PCDH15: variants seen among roughly 807,000 people sequenced by gnomAD.
The protein encoded by PCDH15 is protocadherin-15.
Under a neutral mutation model 178.5 loss-of-function variants are expected in PCDH15, and 129 were observed. That is an observed-to-expected ratio of 0.72 (90% CI 0.63 to 0.84). The LOEUF is 0.84. Ranked by LOEUF, PCDH15 falls within the 40% of genes least tolerant of loss-of-function variation. The probability of loss-of-function intolerance (pLI) is 0.00; values close to 1 mark genes in which losing one functional copy is unlikely to be tolerated. For synonymous variants in PCDH15, 800 were observed against 732.0 expected (o/e 1.09, Z -1.50); for missense variants, 2,230 against 2,099.9 (o/e 1.06, Z -1.21).
intron 3 of PCDH15, among the ~76,000 whole-genome samples, chr10:54,390,927 C>T (rs1328498819): frequency 6.6e-6 from 1 of 152,072 alleles, no homozygotes; most frequent in Non-Finnish European, 1.5e-5. Context: ...TTTTCAGTGC[C>T]TTTTCTATAG....
intron 1 of PCDH15, among the ~76,000 whole-genome samples, chr10:54,737,760 T>C (rs1591370602): frequency 6.6e-6 from 1 of 152,108 alleles, no homozygotes; most frequent in East Asian, 1.9e-4. Context: ...ATTTATTAGG[T>C]ATGATTGAGT....
At chr10:55,375,736 C>A (rs187284874) in intron 2 of PCDH15, among the ~76,000 whole-genome samples, 248 of 152,142 alleles carry the variant, frequency 1.6e-3, no homozygotes, top group African/African-American at 5.1e-3. Context: ...GTGATGTTCA[C>A]TTGCTTAATA....
chr10:54,031,472 A>G (rs1242580532), intron 18 of PCDH15, among the ~76,000 whole-genome samples: 1 of 152,086 alleles, frequency 6.6e-6, no homozygotes, highest in East Asian at 1.9e-4. Flanking sequence ...GTTAGAGAAA[A>G]GAATCTGTAA....
intron 3 of PCDH15, among the ~76,000 whole-genome samples, chr10:54,896,003 C>T (rs532002108): frequency 1.2e-4 from 19 of 152,106 alleles, no homozygotes; most frequent in African/African-American, 4.6e-4. Context: ...CCTCCTGCCT[C>T]ATCCTCCCGA....
chr10:54,390,943 G>A (rs552012483), intron 3 of PCDH15, among the ~76,000 whole-genome samples: 13 of 152,224 alleles, frequency 8.5e-5, no homozygotes, highest in African/African-American at 2.9e-4. Flanking sequence ...TATAGGTTAA[G>A]AGGATCAAAA....
intron 2 of PCDH15, among the ~76,000 whole-genome samples, chr10:55,044,904 C>G (rs1366689966): frequency 6.6e-6 from 1 of 152,086 alleles, no homozygotes; most frequent in Non-Finnish European, 1.5e-5. Context: ...GATACCCATT[C>G]CTTCCCCAAC....
intron 3 of PCDH15, among the ~76,000 whole-genome samples, chr10:54,851,150 G>A (rs770096560): frequency 4.3e-4 from 65 of 152,062 alleles, no homozygotes; most frequent in Non-Finnish European, 7.4e-4. Flanking sequence ...CAAAAATTAA[G>A]TAGGCCAGAT....
At chr10:53,877,184 AAAAT>A (rs1277594224) in intron 26 of PCDH15, among the ~76,000 whole-genome samples, 6 of 152,124 alleles carry the variant, frequency 3.9e-5, no homozygotes, top group Non-Finnish European at 7.4e-5. Flanking sequence ...AATGTTTTGT[AAAAT>A]AAATATTACC....
chr10:53,927,808 G>A lies in PCDH15; in HGVS notation c.3373+11007C>T, dbSNP rs73248516. 5.3e-3 allele frequency among the ~76,000 whole-genome samples: 803 copies of A among 152,056 alleles called. 8 individuals carry two copies. The highest frequency in any genetic ancestry group is 0.018 in the African/African-American group (750 of 41,518). On this transcript the variant is annotated intron_variant, in intron 25 of 37. Coordinates refer to ENST00000644397, the MANE Select transcript of PCDH15 (RefSeq NM_001384140.1). Reference sequence around the variant, plus strand: ...ACACAGCACCTGTGATAAAATCTGGGACAAAATAAAATTGAATAATACTAC... The same window carrying A: ...ACACAGCACCTGTGATAAAATCTGGAACAAAATAAAATTGAATAATACTAC...
chr10:54,515,336 A>C (rs1333156999), intron 3 of PCDH15, among the ~76,000 whole-genome samples: 1 of 152,320 alleles, frequency 6.6e-6, no homozygotes, highest in South Asian at 2.1e-4. Context: ...TATCCCGCAC[A>C]TGGCTCGGAG....
At chr10:54,814,607 T>G (rs1952919359) in intron 3 of PCDH15, among the ~76,000 whole-genome samples, 1 of 152,138 alleles carries the variant, frequency 6.6e-6, no homozygotes, top group South Asian at 2.1e-4. Context: ...TCTGATCTGG[T>G]CAACACTTTC....
At chr10:54,628,179 G>T (rs2093609530) in intron 2 of PCDH15, among the ~76,000 whole-genome samples, 1 of 152,160 alleles carries the variant, frequency 6.6e-6, no homozygotes, top group Non-Finnish European at 1.5e-5. Context: ...GAAGTCCCAA[G>T]AAACTGAATG....
chr10:55,483,562 A>T, intron 2 of PCDH15, among the ~76,000 whole-genome samples: 1 of 151,800 alleles, frequency 6.6e-6, no homozygotes, highest in Non-Finnish European at 1.5e-5. Flanking sequence ...ATTGTAGAAG[A>T]CAGTGTGGCA....
rs377752063 is a variant in PCDH15, at chr10:54,090,087, A to T, written c.1918-24T>A. On this transcript the variant is annotated intron_variant, in intron 15 of 37. Coordinates refer to ENST00000644397, the MANE Select transcript of PCDH15 (RefSeq NM_001384140.1). ...GCCTTCAGAGAGAAAACATAATTCA[A>T]TTATCAAGTAATTGATATGGCGCCC... 1.3e-4 allele frequency: 197 copies of T among 1,557,228 alleles called. 1 individual carries two copies. Among genetic ancestry groups the T allele is most frequent in the Non-Finnish European group, 1.7e-4 (188 of 1,129,290 alleles).
In PCDH15 at chr10:54,378,274, T is replaced by A. The variant is rs1432708567; in HGVS notation, c.318+508A>T. ...AAAAAAATTTATGCTATCTGAGAACTACTTGACTGGCATATTACCATGAAA... is the reference window on the plus strand; with the variant it reads ...AAAAAAATTTATGCTATCTGAGAACAACTTGACTGGCATATTACCATGAAA... On this transcript the variant is annotated intron_variant, in intron 4 of 37. Coordinates refer to ENST00000644397, the MANE Select transcript of PCDH15 (RefSeq NM_001384140.1). Among the ~76,000 whole-genome samples the A allele has an allele frequency of 9.2e-5, 14 of 151,936 alleles. No homozygotes were observed. In the East Asian group the frequency reaches 2.7e-3, roughly 29 times the overall value.
intron 1 of PCDH15, among the ~76,000 whole-genome samples, chr10:54,704,859 T>A (rs189502217): frequency 3.3e-5 from 5 of 152,046 alleles, no homozygotes; most frequent in Non-Finnish European, 7.4e-5. Flanking sequence ...CATTCTACCA[T>A]AAAGGCACAT....
intron 2 of PCDH15, among the ~76,000 whole-genome samples, chr10:55,349,425 TCTTAATGA>T (rs1844851582): frequency 1.3e-5 from 2 of 152,186 alleles, no homozygotes; most frequent in Non-Finnish European, 2.9e-5. Flanking sequence ...ACATCCTGTA[TCTTAATGA>T]CCATTTTTCT....
chr10:53,839,543 G>C (rs2077515147), intron 29 of PCDH15, among the ~76,000 whole-genome samples: 1 of 151,846 alleles, frequency 6.6e-6, no homozygotes, highest in Non-Finnish European at 1.5e-5. Context: ...TATATATACA[G>C]GCACATATAA....
At chr10:55,186,650 T>C (rs1442603092) in intron 1 of PCDH15, among the ~76,000 whole-genome samples, 1 of 151,734 alleles carries the variant, frequency 6.6e-6, no homozygotes, top group Non-Finnish European at 1.5e-5. Context: ...CTTACATTTT[T>C]AAAAAATCTA....
Sources: gnomAD v4.1 joint callset for allele counts (sites outside exome capture counted in the v4.1 genomes callset) on GRCh38, gnomAD v4.1.1 for gene constraint, MANE v1.5 for transcripts, NCBI Gene and HGNC (gene_info 2026-07-23, HGNC 2026-07-21) for gene names.